Variants in HAVCR2 observed in about 807,000 individuals in gnomAD.
HAVCR2 encodes T cell immunoglobulin mucin 3.
Under a neutral mutation model 24.7 loss-of-function variants are expected in HAVCR2, and 13 were observed. The ratio of observed to expected loss-of-function variants is 0.53; its 90% CI spans 0.34 to 0.84. The LOEUF (loss-of-function observed/expected upper bound fraction) is 0.84, where lower values mean the gene tolerates loss of function less well. HAVCR2 is among the 40% of genes least tolerant of loss of function. HAVCR2 has a pLI of 0.01. For missense variants in HAVCR2, 343 were observed against 371.2 expected, an observed-to-expected ratio of 0.92 and a Z score of 0.62; for synonymous variants, 154 against 143.4, an observed-to-expected ratio of 1.07 and a Z score of -0.53.
At position 157,108,921 on chromosome 5, in the gene HAVCR2, C is replaced by A; in HGVS notation, c.58+5G>T. ...GTCATTGTAAATATCCATGCCGAGACTTACTTGTAAGTAGTAGCAGCAGCA... is the reference window on the plus strand; with the variant it reads ...GTCATTGTAAATATCCATGCCGAGAATTACTTGTAAGTAGTAGCAGCAGCA... On this transcript the variant is annotated splice_donor_5th_base_variant and intron_variant, in intron 1 of 6. Transcript: ENST00000307851. The A allele has an allele frequency of 2.5e-6, 4 of 1,613,910 alleles. No individual in the cohort carries two copies. Among genetic ancestry groups the A allele is most frequent in the Non-Finnish European group, 3.4e-6 (4 of 1,179,784 alleles).
At chr5:157,087,711 C>T (rs1756934231) in intron 6 of HAVCR2, among the ~76,000 whole-genome samples, 1 of 151,824 alleles carries the variant, frequency 6.6e-6, no homozygotes, top group Non-Finnish European at 1.5e-5. Flanking sequence ...CGAGACCAGC[C>T]TGGCCAACAT....
rs189996636 is a variant in HAVCR2 at position 157,108,001 on chromosome 5, C to A, written c.58+925G>T. Among the ~76,000 whole-genome samples, 223 of 151,830 alleles carry A rather than the reference C, an allele frequency of 1.5e-3. 2 individuals are homozygous for A. Among genetic ancestry groups the A allele is most frequent in the African/African-American group, 4.6e-3 (191 of 41,398 alleles). On this transcript the variant is annotated intron_variant, in intron 1 of 6. Coordinates refer to ENST00000307851, the MANE Select transcript of HAVCR2 (RefSeq NM_032782.5). ...GCCTCCTTAACTTTGGCAAACAAAT[C>A]TCCTAAAATGATTGAGACTTGTCTC...
At chr5:157,093,715 G>C (rs1749114938) in intron 5 of HAVCR2, among the ~76,000 whole-genome samples, 1 of 152,196 alleles carries the variant, frequency 6.6e-6, no homozygotes, top group South Asian at 2.1e-4. Context: ...GGGAGGTCGA[G>C]GTGGACGGAT....
intron 3 of HAVCR2, 37 bp downstream of exon 3, chr5:157,104,629 A>C: frequency 7.1e-6 from 10 of 1,408,048 alleles, no homozygotes; most frequent in Non-Finnish European, 9.9e-6. Flanking sequence ...ATTCAGAGCC[A>C]GCTAAAGATT....
chr5:157,094,158 T>C (rs1317267771), intron 5 of HAVCR2, among the ~76,000 whole-genome samples: 1 of 150,854 alleles, frequency 6.6e-6, no homozygotes, highest in East Asian at 2.0e-4. Context: ...CTCAGCCTCC[T>C]GAGTAGATGG....
At chr5:157,108,687 C>CTT (rs898728781) in intron 1 of HAVCR2, among the ~76,000 whole-genome samples, 7 of 152,168 alleles carry the variant, frequency 4.6e-5, no homozygotes. Context: ...TATTCTGCAA[C>CTT]TTTTTTTCTT....
rs1561624420 is a variant in HAVCR2, at chr5:157,106,696, A to G, written c.325T>C (p.Cys109Arg). Residue 109 changes from cysteine (C) to arginine (R), a missense_variant, in exon 2 of 7, where the codon TGC becomes CGC. Coordinates refer to ENST00000307851, the MANE Select transcript of HAVCR2 (RefSeq NM_032782.5). The stretch of plus-strand genomic sequence containing the variant: ...ATGCCTGGGATTTGGATCCGGCAGC[A>G]GTAGATCCCACTGTCTGCTAGAGTC... ...NVTLADSGIY[C>R]CRIQIPGIMN... 6.2e-7 allele frequency: 1 copy of G among 1,614,246 alleles called. No individual in the cohort carries two copies. Among genetic ancestry groups the G allele is most frequent in the Non-Finnish European group, 8.5e-7 (1 of 1,180,036 alleles).
intron 3 of HAVCR2, among the ~76,000 whole-genome samples, chr5:157,102,977 T>G (rs1757190525): frequency 6.7e-6 from 1 of 149,522 alleles, no homozygotes; most frequent in Non-Finnish European, 1.5e-5. Flanking sequence ...GAAAGAAGAC[T>G]TCTGTCTGTG....
rs2113695868 is a variant in HAVCR2 at position 157,106,680 on chromosome 5, AT to A, written c.340del (p.Ile114SerfsTer4). On this transcript the variant is annotated frameshift_variant, in exon 2 of 7. Coordinates refer to ENST00000307851, the MANE Select transcript of HAVCR2 (RefSeq NM_032782.5). LOFTEE classifies it high-confidence loss of function. ...TTTTTCATCATTCATTATGCCTGGG[AT>A]TTGGATCCGGCAGCAGTAGATCCCA... ...DSGIYCCRIQIPGIMNDEKFN... is the reference protein window; with the variant it reads ...DSGIYCCRIQXPGIMNDEKFN... 6.2e-7 allele frequency: 1 copy of A among 1,614,220 alleles called. No homozygotes were observed. The highest frequency in any genetic ancestry group is 1.7e-5 in the Admixed American group (1 of 60,028).
chr5:157,089,839 G>A (rs1756969918), intron 5 of HAVCR2, among the ~76,000 whole-genome samples: 1 of 152,130 alleles, frequency 6.6e-6, no homozygotes, highest in African/African-American at 2.4e-5. Flanking sequence ...GTAGGCTGGG[G>A]CTAGGTCCAA....
rs937872723 is a variant in HAVCR2, at chr5:157,092,638, G to A, written c.676+2668C>T. ...ATTTTGTATTTTTAGTAGAGATGAGGTTTCTCCACGTTGGTCAGGCTGGTC... is the reference window on the plus strand; with the variant it reads ...ATTTTGTATTTTTAGTAGAGATGAGATTTCTCCACGTTGGTCAGGCTGGTC... On this transcript the variant is annotated intron_variant, in intron 5 of 6. Coordinates refer to ENST00000307851, the MANE Select transcript of HAVCR2 (RefSeq NM_032782.5). 5.3e-5 allele frequency among the ~76,000 whole-genome samples: 8 copies of A among 151,498 alleles called. No homozygotes were observed. In the East Asian group the frequency reaches 1.6e-3, roughly 30 times the overall value.
chr5:157,089,492 C>T (rs564930267), intron 5 of HAVCR2, among the ~76,000 whole-genome samples: 1 of 150,900 alleles, frequency 6.6e-6, no homozygotes, highest in African/African-American at 2.4e-5. Context: ...GCCAAGATTG[C>T]GCCATTGCAC....
intron 4 of HAVCR2, among the ~76,000 whole-genome samples, chr5:157,097,858 C>A (rs1169298455): frequency 2.0e-5 from 3 of 152,096 alleles, no homozygotes; most frequent in African/African-American, 7.2e-5. Flanking sequence ...ACTTAGCCTC[C>A]CAAAGTGCTG....
chr5:157,087,400 T>C, intron 6 of HAVCR2, 106 bp from the exon 7 acceptor site: 1 of 840,972 alleles, frequency 1.2e-6, no homozygotes, highest in Non-Finnish European at 1.8e-6. Context: ...ATATAGTGCA[T>C]GATCTTTGAT....
chr5:157,107,523 G>A (rs1347352567), intron 1 of HAVCR2, among the ~76,000 whole-genome samples: 1 of 152,154 alleles, frequency 6.6e-6, no homozygotes, highest in Non-Finnish European at 1.5e-5. Context: ...ACTACTCATG[G>A]AGTTGTTTTA....
At chr5:157,092,167 C>T (rs1447764776) in intron 5 of HAVCR2, among the ~76,000 whole-genome samples, 3 of 149,590 alleles carry the variant, frequency 2.0e-5, no homozygotes, top group Non-Finnish European at 4.4e-5. Flanking sequence ...TATATATACA[C>T]ACACACATAT....
intron 3 of HAVCR2, among the ~76,000 whole-genome samples, 184 bp from the exon 4 acceptor site, chr5:157,099,085 G>A (rs1757133934): frequency 6.6e-6 from 1 of 152,020 alleles, no homozygotes; most frequent in African/African-American, 2.4e-5. Context: ...GAACACCCAG[G>A]AATCAACTTT....
At chr5:157,098,052 A>C (rs1757118055) in intron 4 of HAVCR2, among the ~76,000 whole-genome samples, 1 of 151,304 alleles carries the variant, frequency 6.6e-6, no homozygotes, top group Non-Finnish European at 1.5e-5. Flanking sequence ...TGGGCGGATC[A>C]CCTGAGGTCA....
intron 5 of HAVCR2, among the ~76,000 whole-genome samples, chr5:157,091,371 G>A (rs1756997594): frequency 6.6e-6 from 1 of 152,022 alleles, no homozygotes; most frequent in South Asian, 2.1e-4. Flanking sequence ...CTTGAACCCG[G>A]GGAGGCAGAG....
Sources: gnomAD v4.1 joint callset for allele counts (sites outside exome capture counted in the v4.1 genomes callset) on GRCh38, gnomAD v4.1.1 for gene constraint, MANE v1.5 for transcripts, NCBI Gene and HGNC (gene_info 2026-07-23, HGNC 2026-07-21) for gene names.